Variants in SHROOM3 observed in about 807,000 individuals in gnomAD.
SHROOM3 encodes the protein shroom family member 3, also known as protein Shroom3.
Under a neutral mutation model 138.6 loss-of-function variants are expected in SHROOM3, and 47 were observed. The ratio of observed to expected loss-of-function variants is 0.34; its 90% CI spans 0.27 to 0.43. The LOEUF (loss-of-function observed/expected upper bound fraction) is 0.43, where lower values mean the gene tolerates loss of function less well. Among genes scored for constraint, SHROOM3 ranks in the 20% least tolerant of loss-of-function variants. The pLI, the probability that SHROOM3 is intolerant of heterozygous loss-of-function variation, is 1.00. For synonymous variants in SHROOM3, 1,062 were observed against 1,063.3 expected, an observed-to-expected ratio of 1.00 and a Z score of 0.02; for missense variants, 2,491 against 2,596.5, an observed-to-expected ratio of 0.96 and a Z score of 0.88.
intron 2 of SHROOM3, among the ~76,000 whole-genome samples, chr4:76,695,003 A>G (rs1044189703): frequency 2.0e-5 from 3 of 152,230 alleles, no homozygotes; most frequent in Non-Finnish European, 2.9e-5. Context: ...ATAGATGTCA[A>G]CTATCTTTCC....
chr4:76,656,851 T>C (rs561407564), intron 2 of SHROOM3, among the ~76,000 whole-genome samples: 1 of 152,178 alleles, frequency 6.6e-6, no homozygotes, highest in South Asian at 2.1e-4. Context: ...ATCAAACAAG[T>C]TCCTGGCAGA....
chr4:76,450,634 A>T (rs1370533799), intron 1 of SHROOM3, among the ~76,000 whole-genome samples: 1 of 152,216 alleles, frequency 6.6e-6, no homozygotes, highest in East Asian at 1.9e-4. Context: ...AACATATTTA[A>T]CTCCACATAT....
At chr4:76,616,023 G>A (rs1371588143) in intron 2 of SHROOM3, among the ~76,000 whole-genome samples, 2 of 152,188 alleles carry the variant, frequency 1.3e-5, no homozygotes, top group African/African-American at 4.8e-5. Context: ...TTAGACTCCA[G>A]AGGGCAGAAT....
At chr4:76,474,978 G>A (rs976728744) in intron 1 of SHROOM3, among the ~76,000 whole-genome samples, 2 of 151,898 alleles carry the variant, frequency 1.3e-5, no homozygotes, top group African/African-American at 4.8e-5. Context: ...ATTAGAGCGT[G>A]GTTCAAGAAA....
intron 1 of SHROOM3, among the ~76,000 whole-genome samples, chr4:76,450,635 C>T (rs957165125): frequency 5.9e-5 from 9 of 152,160 alleles, no homozygotes; most frequent in African/African-American, 2.2e-4. Context: ...ACATATTTAA[C>T]TCCACATATA....
At chr4:76,499,256 T>A (rs1672869745) in intron 1 of SHROOM3, among the ~76,000 whole-genome samples, 1 of 152,202 alleles carries the variant, frequency 6.6e-6, no homozygotes, top group South Asian at 2.1e-4. Context: ...CTGTGGCTAT[T>A]GGGCAAATTA....
chr4:76,555,469 C>G, intron 1 of SHROOM3, 140 bp from the exon 2 acceptor site: 1 of 1,264,774 alleles, frequency 7.9e-7, no homozygotes, highest in Non-Finnish European at 1.1e-6. Flanking sequence ...ACAGTTTTCC[C>G]TCTGGCTGCA....
At chr4:76,688,510 A>T (rs1373067781) in intron 2 of SHROOM3, 1 of 985,270 alleles carries the variant, frequency 1.0e-6, no homozygotes, top group Non-Finnish European at 1.2e-6. Flanking sequence ...TTGAATGAGA[A>T]TAAAGCCAAT....
chr4:76,616,692 G>A (rs1734888985), intron 2 of SHROOM3, among the ~76,000 whole-genome samples: 1 of 152,164 alleles, frequency 6.6e-6, no homozygotes, highest in African/African-American at 2.4e-5. Context: ...GAAAGGGAGA[G>A]CTATTGCTTA....
chr4:76,778,868 G>A lies in SHROOM3; in HGVS notation c.5682G>A (p.Leu1894=), dbSNP rs1293053602. The change falls in exon 11 of 11, where the codon CTG becomes CTA. Residue 1894 remains leucine, a synonymous_variant. Transcript: ENST00000296043. ...LAGQHEDARE[L]KENLDRRERV... ...GTCAGCATGAGGATGCCCGGGAGCT[G>A]AAGGAGAACCTGGATCGCAGGGAGC... The A allele has an allele frequency of 1.9e-6, 3 of 1,612,922 alleles. No individual in the cohort carries two copies. The highest frequency in any genetic ancestry group is 1.1e-5 in the South Asian group (1 of 91,036).
chr4:76,596,418 G>GA (rs1734385746), intron 2 of SHROOM3, among the ~76,000 whole-genome samples: 1 of 152,064 alleles, frequency 6.6e-6, no homozygotes, highest in South Asian at 2.1e-4. Context: ...TCTCTAAAAA[G>GA]AAAAGCAAAA....
In SHROOM3 at chr4:76,739,525, A is replaced by C. The variant is rs142944791; in HGVS notation, c.1352A>C (p.Asn451Thr). 11 of 1,614,152 alleles carry C rather than the reference A, an allele frequency of 6.8e-6. No individual in the cohort carries two copies. The highest frequency in any genetic ancestry group is 9.3e-6 in the Non-Finnish European group (11 of 1,180,006). Reference protein sequence around the residue: ...ENSPPVKPKHNYTQKAQPGQP... With the variant: ...ENSPPVKPKHTYTQKAQPGQP... ...AGCCCCCCAGTGAAGCCCAAGCATA[A>C]CTATACCCAGAAGGCCCAACCTGGC... is the stretch of plus-strand genomic sequence containing the variant. The change falls in exon 5 of 11, where the codon AAC (asparagine) becomes ACC (threonine). Residue 451 changes from asparagine to threonine, a missense_variant. Asn to Thr is a moderately conservative substitution (Grantham distance 65). Around this residue, in one of 4 missense-constraint regions of SHROOM3, gnomAD observed 1,733 missense variants for 1,661.6 expected, o/e 1.04. Coordinates refer to ENST00000296043, the MANE Select transcript of SHROOM3 (RefSeq NM_020859.4).
rs540135599 is a variant in SHROOM3 at position 76,579,105 on chromosome 4, G to A, written c.323+23342G>A. On this transcript the variant is annotated intron_variant, in intron 2 of 10. Coordinates refer to ENST00000296043, the MANE Select transcript of SHROOM3 (RefSeq NM_020859.4). ...TGAGGTGGGAGGATCGCTTGAGCCC[G>A]GGAGGTCAAGGATGCATGAGTCGAG... Among the ~76,000 whole-genome samples, 11 of 152,294 alleles carry A rather than the reference G, an allele frequency of 7.2e-5. No homozygotes were observed. In the South Asian group the frequency reaches 1.0e-3, roughly 14 times the overall value.
At chr4:76,493,026 ACCT>A (rs1196630799) in intron 1 of SHROOM3, among the ~76,000 whole-genome samples, 42 of 152,024 alleles carry the variant, frequency 2.8e-4, no homozygotes, top group African/African-American at 9.9e-4. Flanking sequence ...TTCGACACCA[ACCT>A]GACCAGCATG....
chr4:76,582,025 A>G (rs1250219214), intron 2 of SHROOM3, among the ~76,000 whole-genome samples: 2 of 152,256 alleles, frequency 1.3e-5, no homozygotes, highest in African/African-American at 4.8e-5. Context: ...TTATTTATTA[A>G]GCACCTAATA....
At position 76,649,428 on chromosome 4, in the gene SHROOM3, AT is replaced by A. The variant is rs374864935; in HGVS notation, c.324-60727del. ...TCATCAAATACCAGAAGAAAGCAAA[AT>A]GATTTTTAATGAAAAGTGGGGCAAT... On this transcript the variant is annotated intron_variant, in intron 2 of 10. Coordinates refer to ENST00000296043, the MANE Select transcript of SHROOM3 (RefSeq NM_020859.4). 1.2e-4 allele frequency among the ~76,000 whole-genome samples: 18 copies of A among 152,332 alleles called. No homozygotes were observed. In the East Asian group the frequency reaches 2.1e-3, roughly 18 times the overall value.
intron 2 of SHROOM3, among the ~76,000 whole-genome samples, chr4:76,600,068 C>G (rs1734473339): frequency 6.6e-6 from 1 of 152,148 alleles, no homozygotes; most frequent in Admixed American, 6.5e-5. Context: ...GGGAAGATGG[C>G]TTGAGCCCAG....
chr4:76,493,641 C>G (rs1560523500), intron 1 of SHROOM3, among the ~76,000 whole-genome samples: 1 of 152,174 alleles, frequency 6.6e-6, no homozygotes, highest in Non-Finnish European at 1.5e-5. Flanking sequence ...TTAAGTATCT[C>G]CTCTACCCAC....
intron 2 of SHROOM3, among the ~76,000 whole-genome samples, chr4:76,705,186 T>G (rs1720014375): frequency 6.6e-6 from 1 of 151,830 alleles, no homozygotes; most frequent in African/African-American, 2.4e-5. Context: ...AAATACCAAA[T>G]AGGTTGGGCA....
Sources: gnomAD v4.1 joint callset for allele counts (sites outside exome capture counted in the v4.1 genomes callset) on GRCh38, gnomAD v4.1.1 for gene constraint, gnomAD v4.1.1 regional missense constraint, MANE v1.5 for transcripts, NCBI Gene and HGNC (gene_info 2026-07-23, HGNC 2026-07-21) for gene names.